Variants in PAPOLA observed in about 807,000 individuals in gnomAD.
The protein encoded by PAPOLA is polynucleotide adenylyltransferase alpha.
Under a neutral mutation model 100.6 loss-of-function variants are expected in PAPOLA, and 15 were observed. The observed-to-expected ratio is 0.15, with a 90% CI of 0.10 to 0.23. The LOEUF is 0.23. PAPOLA is among the 10% of genes least tolerant of loss of function. The pLI, the probability that PAPOLA is intolerant of heterozygous loss-of-function variation, is 1.00. For missense variants in PAPOLA, 533 were observed against 884.2 expected (o/e 0.60, Z 5.04); for synonymous variants, 293 against 300.0 (o/e 0.98, Z 0.24).
In PAPOLA at chr14:96,529,073, A is replaced by C. The variant is rs1898759448; in HGVS notation, c.495+1067A>C. On this transcript the variant is annotated intron_variant, in intron 6 of 21. Coordinates refer to ENST00000216277, the MANE Select transcript of PAPOLA (RefSeq NM_032632.5). ...AGATGGAAAGTTAGATGGCTACTTA[A>C]AACATTTAATGTGTTAATTTTCTAT... 1.3e-5 allele frequency among the ~76,000 whole-genome samples: 2 copies of C among 152,230 alleles called. 1 individual carries two copies. Among genetic ancestry groups the C allele is most frequent in the South Asian group, 4.1e-4 (2 of 4,832 alleles).
chr14:96,519,968 G>A, intron 1 of PAPOLA, 87 bp from the exon 2 acceptor site: 1 of 1,114,546 alleles, frequency 9.0e-7, no homozygotes. Context: ...AGAAATGTGT[G>A]TTACTAAATT....
Position 96,556,350 on chromosome 14 carries a change from A to T in PAPOLA, c.1941A>T (p.Val647=). The change falls in exon 19 of 22, where the codon GTA becomes GTT. Residue 647 remains valine, a synonymous_variant. Transcript: ENST00000216277. ...NAATKIPTPI[V]GVKRTSSPHK... is the part of the protein sequence containing the mutation. ...CAACAAAAATACCTACTCCTATAGTAGGAGTCAAGAGGACATCCTCACCTC... is the reference window on the plus strand; with the variant it reads ...CAACAAAAATACCTACTCCTATAGTTGGAGTCAAGAGGACATCCTCACCTC... 6.2e-7 allele frequency: 1 copy of T among 1,614,158 alleles called. No individual in the cohort carries two copies. Among genetic ancestry groups the T allele is most frequent in the Non-Finnish European group, 8.5e-7 (1 of 1,180,000 alleles).
At chr14:96,534,859 G>A in intron 10 of PAPOLA, 2 of 1,103,550 alleles carry the variant, frequency 1.8e-6, no homozygotes, top group Non-Finnish European at 1.1e-6. Flanking sequence ...GTGGGCATTT[G>A]TGCTTTAAAA....
chr14:96,536,521 T>A (rs1899544920), intron 11 of PAPOLA, among the ~76,000 whole-genome samples: 1 of 152,124 alleles, frequency 6.6e-6, no homozygotes, highest in Non-Finnish European at 1.5e-5. Flanking sequence ...GAATCAGTTG[T>A]CTGACTACTA....
rs76683986 is a variant in PAPOLA, at chr14:96,539,283, G to T, written c.1115+2223G>T. ...GTGTGTATACAGTAACCTTAAATTTGTTAAAAAAGTTAAAAACAGGAAACT... is the reference window on the plus strand; with the variant it reads ...GTGTGTATACAGTAACCTTAAATTTTTTAAAAAAGTTAAAAACAGGAAACT... On this transcript the variant is annotated intron_variant, in intron 12 of 21. Coordinates refer to ENST00000216277, the MANE Select transcript of PAPOLA (RefSeq NM_032632.5). Among the ~76,000 whole-genome samples, 21 of 152,142 alleles carry T rather than the reference G, an allele frequency of 1.4e-4. 1 individual carries two copies. The East Asian group carries it at 3.5e-3, about 25-fold the overall frequency.
chr14:96,556,240 A>G lies in PAPOLA; in HGVS notation c.1831A>G (p.Thr611Ala), dbSNP rs1232888811. The G allele has an allele frequency of 1.9e-6, 3 of 1,614,020 alleles. No homozygotes were observed. Among genetic ancestry groups the G allele is most frequent in the African/African-American group, 1.3e-5 (1 of 74,918 alleles). The change falls in exon 19 of 22, where the codon ACG becomes GCG. Residue 611 changes from threonine to alanine, a missense_variant. By Grantham distance (58) the Thr-to-Ala change is moderately conservative. Around this residue, in one of 9 missense-constraint regions of PAPOLA, gnomAD observed 242 missense variants for 281.0 expected, o/e 0.86. Transcript: ENST00000216277. ...QPAISPPPKP[T>A]VSRVVSSTRL... ...AGCCATTTCTCCACCACCAAAGCCT[A>G]CGGTCTCCAGAGTTGTTTCTTCAAC...
intron 19 of PAPOLA, among the ~76,000 whole-genome samples, chr14:96,557,141 G>C (rs1472655838): frequency 2.0e-5 from 3 of 152,094 alleles, no homozygotes; most frequent in African/African-American, 7.2e-5. Flanking sequence ...TGCCTCCCGG[G>C]CTCAAGCAAT....
chr14:96,516,203 G>A (rs1897448659), intron 1 of PAPOLA, among the ~76,000 whole-genome samples: 1 of 152,174 alleles, frequency 6.6e-6, no homozygotes, highest in Non-Finnish European at 1.5e-5. Flanking sequence ...GGAATTCTTA[G>A]TCTAGCTCCT....
At chr14:96,503,211 C>T (rs368700153) in intron 1 of PAPOLA, among the ~76,000 whole-genome samples, 1 of 152,176 alleles carries the variant, frequency 6.6e-6, no homozygotes, top group Non-Finnish European at 1.5e-5. Context: ...CTCCGCCTCC[C>T]TAGCATTCAC....
At chr14:96,526,437 A>AT (rs1898487090) in intron 4 of PAPOLA, 1 of 152,242 alleles carries the variant, frequency 6.6e-6, no homozygotes, top group Admixed American at 6.6e-5. Context: ...GGCTCAATTG[A>AT]TTTTCAGGCC....
At chr14:96,561,548 A>G (rs1488356336) in intron 20 of PAPOLA, among the ~76,000 whole-genome samples, 2 of 152,202 alleles carry the variant, frequency 1.3e-5, no homozygotes, top group African/African-American at 4.8e-5. Flanking sequence ...ATTTTTATCC[A>G]ACCAATTTCC....
intron 1 of PAPOLA, among the ~76,000 whole-genome samples, chr14:96,512,890 T>A (rs1482477499): frequency 2.0e-5 from 3 of 152,176 alleles, no homozygotes; most frequent in Non-Finnish European, 4.4e-5. Context: ...AATTTACAAA[T>A]GAATGAACTA....
At chr14:96,503,124 C>G (rs1169944325) in intron 1 of PAPOLA, among the ~76,000 whole-genome samples, 2 of 152,230 alleles carry the variant, frequency 1.3e-5, no homozygotes, top group African/African-American at 4.8e-5. Flanking sequence ...GAGTTAGCCC[C>G]TTTCCACTGA....
In PAPOLA at chr14:96,560,718, TA is replaced by T; in HGVS notation, c.2067+9del. 6.5e-7 allele frequency: 1 copy of T among 1,535,668 alleles called. No individual in the cohort carries two copies. Among genetic ancestry groups the T allele is most frequent in the Non-Finnish European group, 9.0e-7 (1 of 1,110,476 alleles). On this transcript the variant is annotated splice_region_variant and intron_variant, in intron 20 of 21. Coordinates refer to ENST00000216277, the MANE Select transcript of PAPOLA (RefSeq NM_032632.5). ...TGATAAAACAGAAGCAAAGGTATAC[TA>T]ATTTAGCCTTTAGAATACATACACA...
At position 96,565,053 on chromosome 14, in the gene PAPOLA, A is replaced by G. The variant is rs1555397513; in HGVS notation, c.*3A>G. On this transcript the variant is annotated 3_prime_UTR_variant, in exon 22 of 22. Transcript: ENST00000216277. ...TAAAACTGAGATTGAATCGGTAAAA[A>G]CAACCTCAGGGGTCCATAAACAATA... 4 of 1,457,342 alleles carry G rather than the reference A, an allele frequency of 2.7e-6. No homozygotes were observed. The highest frequency in any genetic ancestry group is 2.9e-6 in the Non-Finnish European group (3 of 1,037,480). 90.3% of individuals were successfully genotyped at this position (1,457,342 alleles called of 1,614,324 possible).
rs766310834 is a variant in PAPOLA at position 96,556,150 on chromosome 14, A to G, written c.1766-25A>G. 1.9e-6 allele frequency: 3 copies of G among 1,539,196 alleles called. No homozygotes were observed. The South Asian group carries it at 3.4e-5, about 17-fold the overall frequency. On this transcript the variant is annotated intron_variant, in intron 18 of 21. Coordinates refer to ENST00000216277, the MANE Select transcript of PAPOLA (RefSeq NM_032632.5). ...TACTGATTTGGTTATTTTAATTTGT[A>G]TATACTCATATATTTGCTGCTTAGG...
chr14:96,555,649 T>C (rs1265796197), intron 17 of PAPOLA, among the ~76,000 whole-genome samples, 198 bp from the exon 18 acceptor site: 1 of 152,146 alleles, frequency 6.6e-6, no homozygotes, highest in Non-Finnish European at 1.5e-5. Flanking sequence ...CAGTGCTGCT[T>C]TAGAAGGTTT....
intron 19 of PAPOLA, among the ~76,000 whole-genome samples, chr14:96,560,011 G>A (rs958994122): frequency 7.9e-5 from 12 of 152,058 alleles, no homozygotes; most frequent in African/African-American, 2.2e-4. Context: ...GGAATTGATC[G>A]ATACTGTATT....
chr14:96,523,897 T>C (rs1163866287), intron 3 of PAPOLA, among the ~76,000 whole-genome samples: 1 of 151,122 alleles, frequency 6.6e-6, no homozygotes, highest in Non-Finnish European at 1.5e-5. Flanking sequence ...AAGCCGAGAT[T>C]GCGCCCGTTG....
Sources: allele counts gnomAD v4.1 joint callset (sites outside exome capture counted in the v4.1 genomes callset), GRCh38; gene constraint gnomAD v4.1.1; regional missense constraint gnomAD v4.1.1; transcripts MANE v1.5; gene names NCBI Gene and HGNC (gene_info 2026-07-23, HGNC 2026-07-21).